The following GATAD1 variants were observed in gnomAD, a reference collection of about 807,000 sequenced individuals.
GATAD1 encodes the protein GATA zinc finger domain-containing protein 1.
Under a neutral mutation model 26.5 loss-of-function variants are expected in GATAD1, and 12 were observed. The observed-to-expected ratio is 0.45, with a 90% CI of 0.29 to 0.73. GATAD1 has a LOEUF of 0.73. Among genes scored for constraint, GATAD1 ranks in the 30% least tolerant of loss-of-function variants. GATAD1 has a pLI of 0.10. For missense variants in GATAD1, 266 were observed against 342.1 expected (o/e 0.78, Z 1.75); for synonymous variants, 129 against 133.1 (o/e 0.97, Z 0.21).
chr7:92,462,385 AAC>A (rs1789951395), downstream of GATAD1, among the ~76,000 whole-genome samples: 5 of 152,008 alleles, frequency 3.3e-5, no homozygotes. Context: ...AAAAAACAAA[AAC>A]ACACACATAT....
chr7:92,456,210 G>T (rs1434770270), intron 4 of GATAD1, among the ~76,000 whole-genome samples, 162 bp from the exon 5 acceptor site: 1 of 152,152 alleles, frequency 6.6e-6, no homozygotes, highest in Non-Finnish European at 1.5e-5. Context: ...CGTTAAAGAA[G>T]AAAAAATGAT....
the GATAD1 span, chr7:92,470,153 T>C: frequency 2.6e-6 from 2 of 778,504 alleles, no homozygotes. Flanking sequence ...ATGCAAAGAG[T>C]GGCAGAGTGA....
chr7:92,474,310 C>A, the GATAD1 span, among the ~76,000 whole-genome samples: 1 of 152,150 alleles, frequency 6.6e-6, no homozygotes, highest in Non-Finnish European at 1.5e-5. Flanking sequence ...GATAAACTTA[C>A]GCTTTAAGAT....
At chr7:92,470,632 A>G in the GATAD1 span, 90 of 398,412 alleles carry the variant, frequency 2.3e-4, 1 homozygote, top group South Asian at 6.2e-3. Context: ...ATTAGAGGGA[A>G]GGGACTTGAC....
At chr7:92,489,421 C>A in the GATAD1 span, 1 of 1,612,492 alleles carries the variant, frequency 6.2e-7, no homozygotes, top group East Asian at 2.2e-5. Flanking sequence ...TGGATTCGTC[C>A]TCCTTAAGTA....
chr7:92,489,776 G>A, the GATAD1 span: 4 of 1,614,074 alleles, frequency 2.5e-6, no homozygotes, highest in Non-Finnish European at 3.4e-6. Flanking sequence ...TGATCTCTTT[G>A]TTCTTGTGTA....
chr7:92,481,110 C>T, the GATAD1 span, among the ~76,000 whole-genome samples: 1 of 152,176 alleles, frequency 6.6e-6, no homozygotes, highest in African/African-American at 2.4e-5. Context: ...ATAGCATAGC[C>T]TGCCTTTGCT....
the GATAD1 span, chr7:92,489,860 C>T: frequency 3.4e-5 from 55 of 1,614,016 alleles, no homozygotes; most frequent in South Asian, 5.4e-4. Context: ...TTCCCAGGAA[C>T]TCCAGGCAAA....
rs1407996637 is a variant in GATAD1, at chr7:92,459,601, T to G, written c.*3039T>G. On this transcript the variant is annotated 3_prime_UTR_variant, in exon 5 of 5. Coordinates refer to ENST00000287957, the MANE Select transcript of GATAD1 (RefSeq NM_021167.5). ...CATACTGTTCTCTCCAATTCTACCT[T>G]CCAAAGGCCTTTCTTAACACCTTCG... 2.6e-5 allele frequency among the ~76,000 whole-genome samples: 4 copies of G among 152,180 alleles called. No homozygotes were observed. The highest frequency in any genetic ancestry group is 5.9e-5 in the Non-Finnish European group (4 of 68,042).
the GATAD1 span, among the ~76,000 whole-genome samples, chr7:92,474,412 CTTCCCTGTGT>C: frequency 6.6e-6 from 1 of 152,190 alleles, no homozygotes; most frequent in East Asian, 1.9e-4. Context: ...ATTTTCTTCC[CTTCCCTGTGT>C]TATGGTGGAC....
At chr7:92,481,138 C>G in the GATAD1 span, among the ~76,000 whole-genome samples, 6 of 152,040 alleles carry the variant, frequency 3.9e-5, no homozygotes, top group African/African-American at 1.4e-4. Context: ...GGCGATCAGG[C>G]CTGGTGGAAC....
At chr7:92,465,084 A>C in the GATAD1 span, 1 of 152,224 alleles carries the variant, frequency 6.6e-6, no homozygotes, top group East Asian at 1.9e-4. Flanking sequence ...CATCTAATCT[A>C]ACTCCCTCAT....
the GATAD1 span, chr7:92,489,865 G>C: frequency 4.3e-6 from 7 of 1,613,932 alleles, no homozygotes; most frequent in Admixed American, 6.7e-5. Flanking sequence ...AGGAACTCCA[G>C]GCAAATCCTG....
At chr7:92,489,137 G>T in the GATAD1 span, among the ~76,000 whole-genome samples, 5 of 152,162 alleles carry the variant, frequency 3.3e-5, no homozygotes, top group African/African-American at 1.2e-4. Flanking sequence ...CTGACATTTT[G>T]GGGTTTTTTA....
the GATAD1 span, chr7:92,469,041 C>A: frequency 4.2e-6 from 3 of 711,300 alleles, no homozygotes; most frequent in Non-Finnish European, 7.7e-6. Context: ...AGGGGAGAAT[C>A]CAGGGCATCC....
chr7:92,449,595 G>A (rs1285532998), intron 2 of GATAD1: 8 of 979,326 alleles, frequency 8.2e-6, no homozygotes, highest in East Asian at 2.3e-4. Flanking sequence ...CCGTAAAGAC[G>A]TTTCTGAAGT....
At chr7:92,487,230 T>C in the GATAD1 span, 3 of 305,476 alleles carry the variant, frequency 9.8e-6, no homozygotes, top group African/African-American at 6.5e-5. Flanking sequence ...TGAATTTAGA[T>C]TTTAGGAAAT....
At chr7:92,466,020 A>G in the GATAD1 span, among the ~76,000 whole-genome samples, 1 of 152,196 alleles carries the variant, frequency 6.6e-6, no homozygotes, top group Admixed American at 6.5e-5. Flanking sequence ...AAGAAAAAAG[A>G]AAAGCTACAA....
intron 3 of GATAD1, among the ~76,000 whole-genome samples, chr7:92,451,951 C>T (rs1789453607): frequency 6.6e-6 from 1 of 152,218 alleles, no homozygotes; most frequent in Admixed American, 6.5e-5. Flanking sequence ...GGCTCTACAG[C>T]TTTAGCAAGT....
Sources: allele counts gnomAD v4.1 joint callset (sites outside exome capture counted in the v4.1 genomes callset), GRCh38; gene constraint gnomAD v4.1.1; transcripts MANE v1.5; gene names NCBI Gene and HGNC (gene_info 2026-07-23, HGNC 2026-07-21).